Variants in SLC67A2 observed in about 807,000 individuals in gnomAD.
SLC67A2 encodes the protein solute carrier family 67 member A2.
the SLC67A2 span, among the ~76,000 whole-genome samples, chr2:102,728,725 C>A: frequency 3.9e-5 from 6 of 152,324 alleles, no homozygotes; most frequent in African/African-American, 1.4e-4. Flanking sequence ...GGGCTCAACG[C>A]TGAACTCATC....
the SLC67A2 span, among the ~76,000 whole-genome samples, chr2:102,729,715 C>T: frequency 6.6e-6 from 1 of 152,048 alleles, no homozygotes. Flanking sequence ...GTCAAATTAA[C>T]CTATGTGGGT....
the SLC67A2 span, among the ~76,000 whole-genome samples, chr2:102,725,152 T>C: frequency 6.6e-6 from 1 of 152,146 alleles, no homozygotes; most frequent in African/African-American, 2.4e-5. Flanking sequence ...ACTCAGGCAC[T>C]TAAACCTCAG....
At chr2:102,736,823 C>A in the SLC67A2 span, 8 of 1,592,142 alleles carry the variant, frequency 5.0e-6, 1 homozygote, top group South Asian at 8.9e-5. Context: ...CCGCGCCGGC[C>A]GGGGGTCGGA....
chr2:102,724,260 C>G, the SLC67A2 span, among the ~76,000 whole-genome samples: 16 of 152,094 alleles, frequency 1.1e-4, no homozygotes. Flanking sequence ...TTCCATAAAG[C>G]GAGTTTTCAC....
the SLC67A2 span, among the ~76,000 whole-genome samples, chr2:102,722,568 A>C: frequency 1.2e-4 from 19 of 152,232 alleles, no homozygotes; most frequent in African/African-American, 4.8e-5. Context: ...TGTATCATGC[A>C]GAAGAATAAA....
At chr2:102,735,986 GCACCCAATT>G in the SLC67A2 span, among the ~76,000 whole-genome samples, 4 of 152,190 alleles carry the variant, frequency 2.6e-5, no homozygotes, top group African/African-American at 9.6e-5. Context: ...TAGTGAAAAT[GCACCCAATT>G]CTGTACAAGT....
chr2:102,727,250 A>C, the SLC67A2 span, among the ~76,000 whole-genome samples: 1 of 152,344 alleles, frequency 6.6e-6, no homozygotes, highest in Admixed American at 6.5e-5. Context: ...GAGAGATGAT[A>C]AAGTATAATT....
the SLC67A2 span, among the ~76,000 whole-genome samples, chr2:102,734,618 T>A: frequency 6.6e-6 from 1 of 152,164 alleles, no homozygotes; most frequent in African/African-American, 2.4e-5. Flanking sequence ...TTTATGTGAC[T>A]TTCATGTAAA....
At chr2:102,721,205 T>C in the SLC67A2 span, among the ~76,000 whole-genome samples, 1 of 152,242 alleles carries the variant, frequency 6.6e-6, no homozygotes, top group Non-Finnish European at 1.5e-5. Flanking sequence ...ACCAATTCCT[T>C]TGTTATATGC....
chr2:102,721,775 G>A, the SLC67A2 span, among the ~76,000 whole-genome samples: 1 of 152,112 alleles, frequency 6.6e-6, no homozygotes, highest in Non-Finnish European at 1.5e-5. Flanking sequence ...TGTGATCACG[G>A]CTCACTGTAG....
the SLC67A2 span, among the ~76,000 whole-genome samples, chr2:102,735,786 A>G: frequency 5.3e-4 from 80 of 152,256 alleles, no homozygotes; most frequent in East Asian, 0.015. Context: ...TCAGCTTACT[A>G]AACTTTCCAT....
At chr2:102,735,750 T>C in the SLC67A2 span, among the ~76,000 whole-genome samples, 1 of 152,116 alleles carries the variant, frequency 6.6e-6, no homozygotes, top group Non-Finnish European at 1.5e-5. Context: ...ACCTGCCACA[T>C]GGCAGGTGTT....
At chr2:102,718,310 G>A in the SLC67A2 span, 54 of 1,354,700 alleles carry the variant, frequency 4.0e-5, no homozygotes, top group East Asian at 9.2e-5. Context: ...ACACCCACCC[G>A]GAAATATTTC....
chr2:102,732,793 C>T, the SLC67A2 span, among the ~76,000 whole-genome samples: 11 of 152,100 alleles, frequency 7.2e-5, no homozygotes, highest in Non-Finnish European at 1.5e-4. Context: ...TGTCCTAGGA[C>T]CTGTAGTTTA....
chr2:102,735,595 A>C, the SLC67A2 span, among the ~76,000 whole-genome samples: 1 of 152,212 alleles, frequency 6.6e-6, no homozygotes, highest in African/African-American at 2.4e-5. Flanking sequence ...GGGCTGAATC[A>C]GGCCTAGCCT....
chr2:102,736,810 T>C, the SLC67A2 span: 11 of 1,599,492 alleles, frequency 6.9e-6, no homozygotes, highest in Middle Eastern at 1.8e-4. Flanking sequence ...CCAAGCTCCA[T>C]ACCCGCGCCG....
chr2:102,736,747 G>T, the SLC67A2 span: 2 of 1,613,714 alleles, frequency 1.2e-6, no homozygotes, highest in East Asian at 2.2e-5. Flanking sequence ...TCCTGTTTCC[G>T]CTCTGCGGTC....
the SLC67A2 span, among the ~76,000 whole-genome samples, chr2:102,728,571 A>G: frequency 6.6e-6 from 1 of 152,150 alleles, no homozygotes; most frequent in Admixed American, 6.5e-5. Context: ...GGTGTCTTCA[A>G]TCCTACTCCC....
the SLC67A2 span, chr2:102,724,043 C>A: frequency 1.4e-6 from 1 of 716,136 alleles, no homozygotes; most frequent in Non-Finnish European, 2.4e-6. Context: ...ATGCTCACCA[C>A]TATACCACCA....
Sources: gnomAD v4.1 joint callset for allele counts (sites outside exome capture counted in the v4.1 genomes callset) on GRCh38, gnomAD v4.1.1 for gene constraint, MANE v1.5 for transcripts, NCBI Gene and HGNC (gene_info 2026-07-23, HGNC 2026-07-21) for gene names.